WDR7: variants seen among roughly 807,000 people sequenced by gnomAD.
WDR7 encodes WD repeat-containing protein 7.
WDR7 carries 46 observed loss-of-function variants against 169.4 expected under a neutral mutation model. The observed-to-expected ratio is 0.27, with a 90% CI of 0.21 to 0.35. The LOEUF (loss-of-function observed/expected upper bound fraction) is 0.35, where lower values mean the gene tolerates loss of function less well. WDR7 is among the 10% of genes least tolerant of loss of function. The pLI, the probability that WDR7 is intolerant of heterozygous loss-of-function variation, is 1.00. For synonymous variants in WDR7, 612 were observed against 666.8 expected, an observed-to-expected ratio of 0.92 and a Z score of 1.27; for missense variants, 1,534 against 1,859.3, an observed-to-expected ratio of 0.83 and a Z score of 3.22.
At chr18:57,012,715 CTCAGCTGTAGGAAAG>C (rs2048153676) in intron 26 of WDR7, among the ~76,000 whole-genome samples, 1 of 152,186 alleles carries the variant, frequency 6.6e-6, no homozygotes, top group Admixed American at 6.5e-5. Context: ...ATAAGACTTT[CTCAGCTGTAGGAAAG>C]TCAAGCTACG....
chr18:56,880,872 G>A (rs1480406807), intron 21 of WDR7, among the ~76,000 whole-genome samples: 1 of 152,158 alleles, frequency 6.6e-6, no homozygotes, highest in Admixed American at 6.5e-5. Flanking sequence ...GTTCTTCAGT[G>A]TCAGAATTCC....
intron 25 of WDR7, among the ~76,000 whole-genome samples, chr18:56,950,372 C>T (rs1008654954): frequency 4.6e-5 from 7 of 152,170 alleles, no homozygotes; most frequent in African/African-American, 1.2e-4. Context: ...TGCCTTGATT[C>T]GGGTTAAAGT....
intron 19 of WDR7, among the ~76,000 whole-genome samples, chr18:56,806,203 T>C (rs2044770795): frequency 6.6e-6 from 1 of 152,200 alleles, no homozygotes; most frequent in Admixed American, 6.5e-5. Context: ...AGTCCTTGTG[T>C]TTCCCTACCT....
intron 25 of WDR7, among the ~76,000 whole-genome samples, chr18:56,949,052 A>G (rs1021146537): frequency 1.3e-5 from 2 of 151,876 alleles, no homozygotes; most frequent in African/African-American, 4.8e-5. Flanking sequence ...AGGAGTTTAC[A>G]CTTCATCCAG....
chr18:57,030,882 A>T (rs1289038272), downstream of WDR7: 1 of 88,742 alleles, frequency 1.1e-5, no homozygotes, highest in Non-Finnish European at 2.2e-5. Context: ...TGCTGTTTAA[A>T]AAAAAAAAAA....
intron 9 of WDR7, among the ~76,000 whole-genome samples, chr18:56,693,598 G>A (rs1413569392): frequency 9.2e-6 from 1 of 108,876 alleles, no homozygotes; most frequent in African/African-American, 3.3e-5. Flanking sequence ...TTGAGATGGA[G>A]TCGCCCTTTG....
chr18:56,683,452 CT>C (rs1011866635), intron 5 of WDR7, among the ~76,000 whole-genome samples: 3 of 152,014 alleles, frequency 2.0e-5, no homozygotes, highest in African/African-American at 7.3e-5. Flanking sequence ...TTTTATAAGC[CT>C]TTTAAGGAGC....
intron 25 of WDR7, among the ~76,000 whole-genome samples, chr18:56,956,383 A>T (rs185152019): frequency 2.6e-5 from 4 of 152,214 alleles, no homozygotes; most frequent in Admixed American, 1.3e-4. Context: ...GTGTATGCAA[A>T]CATGTTCTAG....
intron 26 of WDR7, among the ~76,000 whole-genome samples, chr18:56,976,764 T>G (rs1442517535): frequency 2.6e-5 from 4 of 152,208 alleles, no homozygotes; most frequent in African/African-American, 9.6e-5. Flanking sequence ...CACTTACCCA[T>G]TTAAAAACCT....
At chr18:56,682,236 A>G (rs998464219) in intron 4 of WDR7, among the ~76,000 whole-genome samples, 2 of 152,214 alleles carry the variant, frequency 1.3e-5, no homozygotes, top group Admixed American at 1.3e-4. Context: ...TTGCATAACT[A>G]GTAATTATAA....
chr18:57,035,137 C>T, the WDR7 span: 46,731 of 151,944 alleles, frequency 0.31, 8,329 homozygotes, highest in East Asian at 0.51. Flanking sequence ...CTACACATGC[C>T]CCCCACTGGA....
At chr18:56,851,290 C>A (rs974920060) in intron 20 of WDR7, among the ~76,000 whole-genome samples, 1 of 152,118 alleles carries the variant, frequency 6.6e-6, no homozygotes, top group Non-Finnish European at 1.5e-5. Flanking sequence ...TTCTTCCATG[C>A]CTGTTCACAT....
At chr18:56,798,149 T>C (rs994093724) in intron 19 of WDR7, among the ~76,000 whole-genome samples, 2 of 152,206 alleles carry the variant, frequency 1.3e-5, no homozygotes, top group Non-Finnish European at 2.9e-5. Context: ...ACTTGACTTT[T>C]GTAATAGCAA....
chr18:56,726,578 T>C (rs1225416445), intron 13 of WDR7, among the ~76,000 whole-genome samples: 2 of 152,190 alleles, frequency 1.3e-5, no homozygotes, highest in Non-Finnish European at 1.5e-5. Context: ...TTTCTAGATA[T>C]ACAATCATGT....
At chr18:56,711,712 A>G (rs1353647400) in intron 12 of WDR7, among the ~76,000 whole-genome samples, 5 of 151,758 alleles carry the variant, frequency 3.3e-5, no homozygotes, top group African/African-American at 1.2e-4. Flanking sequence ...TTTTTTTTAA[A>G]TGAAGTTTGG....
intron 19 of WDR7, among the ~76,000 whole-genome samples, chr18:56,812,479 A>G (rs1206025995): frequency 6.6e-6 from 1 of 152,186 alleles, no homozygotes; most frequent in Non-Finnish European, 1.5e-5. Flanking sequence ...TATTAGGGGA[A>G]TTGGCTCATG....
chr18:56,731,333 T>C (rs1386497682), intron 13 of WDR7, 50 bp from the exon 14 acceptor site: 1 of 1,579,140 alleles, frequency 6.3e-7, no homozygotes, highest in Non-Finnish European at 8.6e-7. Context: ...CTTAAACTAT[T>C]CAAAATGTTG....
At chr18:57,021,404 G>A (rs566060095) in intron 27 of WDR7, among the ~76,000 whole-genome samples, 102 of 152,238 alleles carry the variant, frequency 6.7e-4, no homozygotes, top group African/African-American at 2.4e-3. Context: ...CTAACAGGGT[G>A]TAGGGCATAG....
chr18:56,924,489 TC>T (rs2046776040), intron 22 of WDR7, among the ~76,000 whole-genome samples: 1 of 152,206 alleles, frequency 6.6e-6, no homozygotes, highest in African/African-American at 2.4e-5. Context: ...GAATTGCTCC[TC>T]CACACTCATA....
Sources: allele counts gnomAD v4.1 joint callset (sites outside exome capture counted in the v4.1 genomes callset), GRCh38; gene constraint gnomAD v4.1.1; transcripts MANE v1.5; gene names NCBI Gene and HGNC (gene_info 2026-07-23, HGNC 2026-07-21).